The following ARIH1 variants were observed in gnomAD, a reference collection of about 807,000 sequenced individuals.
ARIH1 encodes the protein E3 ubiquitin-protein ligase ARIH1.
ARIH1 carries 8 observed loss-of-function variants against 85.0 expected under a neutral mutation model. That is an observed-to-expected ratio of 0.09 (90% CI 0.06 to 0.17). The LOEUF is 0.17. Among genes scored for constraint, ARIH1 ranks in the 10% least tolerant of loss-of-function variants. The pLI is 1.00. For synonymous variants in ARIH1, 238 were observed against 253.6 expected (o/e 0.94, Z 0.59); for missense variants, 311 against 718.1 (o/e 0.43, Z 6.48).
chr15:72,536,079 A>T (rs952205260), intron 2 of ARIH1, among the ~76,000 whole-genome samples: 5 of 152,214 alleles, frequency 3.3e-5, no homozygotes, highest in Non-Finnish European at 5.9e-5. Flanking sequence ...CATAAGCCAG[A>T]AGTCGTAGAC....
chr15:72,476,929 G>C (rs2063797419), intron 1 of ARIH1, among the ~76,000 whole-genome samples: 1 of 152,132 alleles, frequency 6.6e-6, no homozygotes, highest in African/African-American at 2.4e-5. Context: ...TTATAGATCT[G>C]AACTAATTTA....
chr15:72,588,998 G>T lies in ARIH1; in HGVS notation c.*5706G>T, dbSNP rs962213029. 1 of 152,082 alleles carries T rather than the reference G, an allele frequency of 6.6e-6. No individual in the cohort carries two copies. Among genetic ancestry groups the T allele is most frequent in the African/African-American group, 2.4e-5 (1 of 41,400 alleles). 9.4% of individuals were successfully genotyped at this position (152,082 alleles called of 1,614,324 possible). A position where few individuals can be genotyped will look rare whatever the true frequency, so the allele number is the denominator to read the frequency against. On this transcript the variant is annotated 3_prime_UTR_variant, in exon 14 of 14. Coordinates refer to ENST00000379887, the MANE Select transcript of ARIH1 (RefSeq NM_005744.5). ...TGTCTATCATTCTTTTGATAATCTT[G>T]TATTTTTATTTCAAGTGTGGTATAG...
At chr15:72,485,169 A>AT (rs767153710) in intron 1 of ARIH1, among the ~76,000 whole-genome samples, 3 of 152,112 alleles carry the variant, frequency 2.0e-5, no homozygotes, top group Non-Finnish European at 1.5e-5. Context: ...TACTCTACCG[A>AT]TTTTTTCTAC....
rs2064330605 is a variant in ARIH1 at position 72,589,229 on chromosome 15, A to G, written c.*5937A>G. On this transcript the variant is annotated 3_prime_UTR_variant, in exon 14 of 14. Coordinates refer to ENST00000379887, the MANE Select transcript of ARIH1 (RefSeq NM_005744.5). ...TACTACTAACTTACTCAAAAGTTAC[A>G]CATTGAGTGTATAACAGGGCCATGC... 6.6e-6 allele frequency: 1 copy of G among 152,200 alleles called. No individual in the cohort carries two copies. 9.4% of individuals were successfully genotyped at this position (152,200 alleles called of 1,614,324 possible). A position where few individuals can be genotyped will look rare whatever the true frequency, so the allele number is the denominator to read the frequency against.
At chr15:72,513,554 G>A (rs1048589519) in intron 1 of ARIH1, among the ~76,000 whole-genome samples, 1 of 151,990 alleles carries the variant, frequency 6.6e-6, no homozygotes, top group African/African-American at 2.4e-5. Flanking sequence ...TATTTACCCA[G>A]GTATTTACCA....
intron 5 of ARIH1, among the ~76,000 whole-genome samples, chr15:72,557,684 CTTACA>C (rs1370236354): frequency 6.6e-6 from 1 of 152,074 alleles, no homozygotes; most frequent in African/African-American, 2.4e-5. Flanking sequence ...AGATTGAGCT[CTTACA>C]TTAAAGTATT....
In ARIH1 at chr15:72,536,529, G is replaced by C. The variant is rs111329655; in HGVS notation, c.444-8291G>C. On this transcript the variant is annotated intron_variant, in intron 2 of 13. Transcript: ENST00000379887. ...AATTTTTTATCGTAAAAGCTGAATGGGGGGGATGTAAGAGGTCAATTTACT... is the reference window on the plus strand; with the variant it reads ...AATTTTTTATCGTAAAAGCTGAATGCGGGGGATGTAAGAGGTCAATTTACT... Among the ~76,000 whole-genome samples, 324 of 152,218 alleles carry C rather than the reference G, an allele frequency of 2.1e-3. 2 individuals are homozygous for C. The highest frequency in any genetic ancestry group is 3.4e-3 in the Middle Eastern group (1 of 294).
intron 2 of ARIH1, among the ~76,000 whole-genome samples, chr15:72,521,548 C>CT (rs967917975): frequency 2.5e-4 from 36 of 146,502 alleles, no homozygotes; most frequent in Non-Finnish European, 2.4e-4. Context: ...TGTCTTCTAA[C>CT]TTTTTTTTTT....
chr15:72,532,466 A>G (rs978428448), intron 2 of ARIH1, among the ~76,000 whole-genome samples: 2 of 152,210 alleles, frequency 1.3e-5, no homozygotes, highest in African/African-American at 4.8e-5. Flanking sequence ...GTTGAAATTC[A>G]AATGGTTATA....
intron 7 of ARIH1, among the ~76,000 whole-genome samples, chr15:72,563,995 A>C (rs1422422886): frequency 1.3e-5 from 2 of 152,264 alleles, no homozygotes; most frequent in East Asian, 3.9e-4. Flanking sequence ...CTAGATTTGA[A>C]CTGCCAGGAA....
intron 11 of ARIH1, 165 bp downstream of exon 11, chr15:72,572,330 T>G (rs1401077119): frequency 2.1e-6 from 1 of 474,626 alleles, no homozygotes; most frequent in Non-Finnish European, 3.7e-6. Context: ...CTCCACCTCC[T>G]GGGTTCAAGT....
At chr15:72,562,005 T>C (rs576314849) in intron 6 of ARIH1, among the ~76,000 whole-genome samples, 19 of 151,938 alleles carry the variant, frequency 1.3e-4, no homozygotes, top group African/African-American at 4.1e-4. Context: ...AATAAAAGAG[T>C]ATGAGAAACC....
chr15:72,485,049 C>T (rs139785007), intron 1 of ARIH1, among the ~76,000 whole-genome samples: 2,296 of 152,234 alleles, frequency 0.015, 56 homozygotes, highest in Admixed American at 0.057. Context: ...CCACCAGCAG[C>T]GTAGAAGTGT....
intron 1 of ARIH1, among the ~76,000 whole-genome samples, chr15:72,512,212 A>ATT (rs940041642): frequency 6.8e-6 from 1 of 147,282 alleles, no homozygotes; most frequent in African/African-American, 2.5e-5. Context: ...GTGGTGTAGA[A>ATT]TTTTTTTTTT....
chr15:72,573,628 C>G (rs899419218), intron 11 of ARIH1, among the ~76,000 whole-genome samples: 3 of 151,984 alleles, frequency 2.0e-5, no homozygotes, highest in African/African-American at 4.8e-5. Flanking sequence ...CAGACCTTCA[C>G]AATGTTTGGG....
chr15:72,517,073 G>A (rs2063978254), intron 1 of ARIH1, among the ~76,000 whole-genome samples: 1 of 152,174 alleles, frequency 6.6e-6, no homozygotes, highest in South Asian at 2.1e-4. Flanking sequence ...ATTTGTGACA[G>A]CATTGAATGA....
intron 1 of ARIH1, among the ~76,000 whole-genome samples, chr15:72,480,705 C>T (rs1452049265): frequency 6.6e-6 from 1 of 152,154 alleles, no homozygotes; most frequent in African/African-American, 2.4e-5. Context: ...GCTAGGATTA[C>T]AGGCGTATGC....
intron 6 of ARIH1, 119 bp from the exon 7 acceptor site, chr15:72,563,275 T>C: frequency 1.3e-6 from 1 of 746,888 alleles, no homozygotes. Flanking sequence ...CCCGGGCTGG[T>C]CTGGAGTGCT....
chr15:72,539,478 G>T (rs1029387980), intron 2 of ARIH1, among the ~76,000 whole-genome samples: 4 of 152,062 alleles, frequency 2.6e-5, no homozygotes, highest in Non-Finnish European at 5.9e-5. Context: ...GATAAATAAT[G>T]ATTTTGTAGA....
Sources: allele counts gnomAD v4.1 joint callset (sites outside exome capture counted in the v4.1 genomes callset), GRCh38; gene constraint gnomAD v4.1.1; transcripts MANE v1.5; gene names NCBI Gene and HGNC (gene_info 2026-07-23, HGNC 2026-07-21).